ANKRD30A: variants seen among roughly 807,000 people sequenced by gnomAD.
The protein encoded by ANKRD30A is ankyrin repeat domain-containing protein 30A.
In ANKRD30A, 170 loss-of-function variants were observed where a neutral mutation model predicts 166.3. That is an observed-to-expected ratio of 1.02 (90% CI 0.90 to 1.16). ANKRD30A has a LOEUF of 1.16. Among genes scored for constraint, ANKRD30A ranks in the 50% most tolerant of loss-of-function variants. The pLI is 0.00. For synonymous variants in ANKRD30A, 564 were observed against 508.9 expected (o/e 1.11, Z -1.46); for missense variants, 1,630 against 1,518.0 (o/e 1.07, Z -1.23).
intron 34 of ANKRD30A, among the ~76,000 whole-genome samples, chr10:37,222,296 C>G (rs1842935411): frequency 6.6e-6 from 1 of 151,238 alleles, no homozygotes; most frequent in African/African-American, 2.4e-5. Flanking sequence ...AGGCAACCAT[C>G]GTCTAGTTTT....
At position 37,193,063 on chromosome 10, in the gene ANKRD30A, G is replaced by A. The variant is rs201128977; in HGVS notation, c.2513-1G>A. 606 of 1,609,568 alleles carry A rather than the reference G, an allele frequency of 3.8e-4. No individual in the cohort carries two copies. Among genetic ancestry groups the A allele is most frequent in the Non-Finnish European group, 4.6e-4 (546 of 1,177,338 alleles). On this transcript the variant is annotated splice_acceptor_variant, in intron 25 of 35. Transcript: ENST00000361713. LOFTEE classifies it high-confidence loss of function. ...AATTATATATGTCCCTTTTCTTTTA[G>A]AGTCTCCTGATAATGATGGTTTTCT...
At chr10:37,241,709 T>A in the ANKRD30A span, among the ~76,000 whole-genome samples, 34 of 152,300 alleles carry the variant, frequency 2.2e-4, no homozygotes, top group African/African-American at 6.3e-4. Flanking sequence ...ATTGACACCA[T>A]ACCATCAAAT....
intron 13 of ANKRD30A, among the ~76,000 whole-genome samples, chr10:37,155,661 A>G (rs1838313602): frequency 6.6e-6 from 1 of 152,342 alleles, no homozygotes; most frequent in Non-Finnish European, 1.5e-5. Flanking sequence ...TCTCCTTATC[A>G]GTCAGCATAT....
chr10:37,126,594 C>A (rs1022833841), intron 1 of ANKRD30A, among the ~76,000 whole-genome samples: 1 of 152,054 alleles, frequency 6.6e-6, no homozygotes, highest in Non-Finnish European at 1.5e-5. Context: ...TCTCAGGATG[C>A]GAGTTCTTTA....
chr10:37,154,702 A>T (rs781618074), intron 13 of ANKRD30A, among the ~76,000 whole-genome samples: 2 of 152,182 alleles, frequency 1.3e-5, no homozygotes, highest in Non-Finnish European at 2.9e-5. Context: ...GTGAGGCAGG[A>T]AGCAGGGGAC....
chr10:37,242,462 A>G, the ANKRD30A span, among the ~76,000 whole-genome samples: 1 of 152,182 alleles, frequency 6.6e-6, no homozygotes, highest in Non-Finnish European at 1.5e-5. Context: ...ATTTGAGACT[A>G]TGTAAATATC....
Position 37,142,093 on chromosome 10 carries a change from C to T in ANKRD30A, c.1196C>T (p.Ala399Val). ...EDTPREIMSP[A>V]KETSEKFTWA... ...ACACCTAGGGAAATTATGAGTCCCGCAAAAGAAACATCTGAGAAATTTACG... is the reference window on the plus strand; with the variant it reads ...ACACCTAGGGAAATTATGAGTCCCGTAAAAGAAACATCTGAGAAATTTACG... The change falls in exon 7 of 36, where the codon GCA (alanine) becomes GTA (valine). Residue 399 changes from alanine (A) to valine (V), a missense_variant. Ala to Val is a moderately conservative substitution (Grantham distance 64, BLOSUM62 0). Transcript: ENST00000361713. 2 of 1,612,042 alleles carry T rather than the reference C, an allele frequency of 1.2e-6. No homozygotes were observed. Among genetic ancestry groups the T allele is most frequent in the Non-Finnish European group, 1.7e-6 (2 of 1,179,398 alleles).
rs894602759 is a variant in ANKRD30A, at chr10:37,232,493, A to G, written c.*212-6A>G. On this transcript the variant is annotated splice_polypyrimidine_tract_variant and splice_region_variant and intron_variant, in intron 35 of 35. Coordinates refer to ENST00000361713, the MANE Select transcript of ANKRD30A (RefSeq NM_052997.3). ...ACACATAAGCCATTATCTTCTTTCT[A>G]CCCAGAATTGCATAAAGCTGCACAG... 1 of 150,222 alleles carries G rather than the reference A, an allele frequency of 6.7e-6. No homozygotes were observed. Among genetic ancestry groups the G allele is most frequent in the Admixed American group, 6.7e-5 (1 of 14,986 alleles). The allele number at this position is 150,222 out of a possible 1,614,324, so 9.3% of individuals were successfully genotyped here.
At chr10:37,264,942 T>C in the ANKRD30A span, among the ~76,000 whole-genome samples, 1 of 152,226 alleles carries the variant, frequency 6.6e-6, no homozygotes, top group African/African-American at 2.4e-5. Context: ...ATAGTACTGA[T>C]ATGTGCAGTT....
the ANKRD30A span, among the ~76,000 whole-genome samples, chr10:37,253,739 C>T: frequency 7.2e-5 from 11 of 151,890 alleles, no homozygotes; most frequent in South Asian, 2.1e-4. Flanking sequence ...GCGCCACCTC[C>T]GGGCTTCACG....
chr10:37,206,067 T>A (rs1841972501), intron 31 of ANKRD30A, among the ~76,000 whole-genome samples: 2 of 152,162 alleles, frequency 1.3e-5, no homozygotes, highest in African/African-American at 4.8e-5. Context: ...AGATGCACGA[T>A]ATTACTTCTG....
At chr10:37,237,530 G>A (rs974502249), downstream of ANKRD30A, among the ~76,000 whole-genome samples, 2 of 151,974 alleles carry the variant, frequency 1.3e-5, no homozygotes, top group East Asian at 1.9e-4. Context: ...TTGTTTATGC[G>A]AGAGCCTTGC....
At chr10:37,245,165 A>G in the ANKRD30A span, among the ~76,000 whole-genome samples, 3 of 152,162 alleles carry the variant, frequency 2.0e-5, no homozygotes, top group Non-Finnish European at 4.4e-5. Context: ...GCCTAGTTTA[A>G]CATCTATACT....
At chr10:37,236,454 G>A (rs188294044), downstream of ANKRD30A, among the ~76,000 whole-genome samples, 1 of 152,254 alleles carries the variant, frequency 6.6e-6, no homozygotes, top group Admixed American at 6.5e-5. Flanking sequence ...GACAGTCAAC[G>A]CAAACTCATG....
At chr10:37,167,193 T>C (rs1817265021) in intron 19 of ANKRD30A, among the ~76,000 whole-genome samples, 1 of 150,872 alleles carries the variant, frequency 6.6e-6, no homozygotes, top group South Asian at 2.1e-4. Context: ...TGTTAGAGTG[T>C]GGGTGCTCTG....
At chr10:37,258,065 T>C in the ANKRD30A span, among the ~76,000 whole-genome samples, 1 of 152,176 alleles carries the variant, frequency 6.6e-6, no homozygotes, top group Admixed American at 6.5e-5. Context: ...CAAATCATCA[T>C]GGCACATGTA....
Position 37,219,710 on chromosome 10 carries a change from T to A in ANKRD30A, c.3998T>A (p.Leu1333His). ...CAACTACAAAGCAAAAATATGTGGC[T>A]TCAACAGCAATTAGTTCATGCACAT... is the stretch of plus-strand genomic sequence containing the variant. ...LFQLQSKNMW[L>H]QQQLVHAHKK... Residue 1333 changes from leucine (L) to histidine (H), a missense_variant, in exon 34 of 36, where the codon CTT (leucine) becomes CAT (histidine). By Grantham distance (99) the Leu-to-His change is moderately conservative. Transcript: ENST00000361713. 6.2e-7 allele frequency: 1 copy of A among 1,609,206 alleles called. No individual in the cohort carries two copies. Among genetic ancestry groups the A allele is most frequent in the Non-Finnish European group, 8.5e-7 (1 of 1,177,112 alleles).
At chr10:37,154,030 C>G (rs17590406) in intron 13 of ANKRD30A, among the ~76,000 whole-genome samples, 3 of 152,092 alleles carry the variant, frequency 2.0e-5, no homozygotes, top group Non-Finnish European at 2.9e-5. Flanking sequence ...TGAAATGATT[C>G]TTTAGGAAAA....
intron 6 of ANKRD30A, among the ~76,000 whole-genome samples, chr10:37,138,372 A>T (rs1836861955): frequency 6.6e-6 from 1 of 152,230 alleles, no homozygotes; most frequent in African/African-American, 2.4e-5. Context: ...AACAAAGCTG[A>T]TGGAGAATGA....
Sources: allele counts gnomAD v4.1 joint callset (sites outside exome capture counted in the v4.1 genomes callset), GRCh38; gene constraint gnomAD v4.1.1; transcripts MANE v1.5; gene names NCBI Gene and HGNC (gene_info 2026-07-23, HGNC 2026-07-21).